TSN: variants seen among roughly 807,000 people sequenced by gnomAD.
The protein encoded by TSN is component 3 of promoter of RISC.
A neutral mutation model predicts 29.4 loss-of-function variants in TSN; 5 were observed. The observed-to-expected ratio is 0.17, with a 90% confidence interval of 0.09 to 0.36. TSN has a LOEUF of 0.36. TSN is among the 10% of genes least tolerant of loss of function. The probability of loss-of-function intolerance (pLI) is 1.00; values close to 1 mark genes in which losing one functional copy is unlikely to be tolerated. For missense variants in TSN, 159 were observed against 272.8 expected, an observed-to-expected ratio of 0.58 and a Z score of 2.94; for synonymous variants, 106 against 102.2, an observed-to-expected ratio of 1.04 and a Z score of -0.23.
At chr2:121,764,062 G>A (rs373456602) in intron 5 of TSN, among the ~76,000 whole-genome samples, 83 of 152,216 alleles carry the variant, frequency 5.5e-4, no homozygotes, top group African/African-American at 1.9e-3. Context: ...ATGCCCTCCC[G>A]CTTTAAGGAC....
At chr2:121,758,552 G>A (rs558686216) in intron 2 of TSN, among the ~76,000 whole-genome samples, 158 bp from the exon 3 acceptor site, 3 of 152,268 alleles carry the variant, frequency 2.0e-5, no homozygotes, top group South Asian at 2.1e-4. Context: ...GGGAAACTGG[G>A]GATGATATTT....
intron 1 of TSN, chr2:121,756,087 T>G (rs1019065858): frequency 1.3e-6 from 1 of 776,888 alleles, no homozygotes; most frequent in Non-Finnish European, 2.0e-6. Flanking sequence ...CAGTTTTCCT[T>G]CTTTTCAGCA....
At chr2:121,757,804 C>T (rs1299438998) in intron 2 of TSN, among the ~76,000 whole-genome samples, 1 of 151,882 alleles carries the variant, frequency 6.6e-6, no homozygotes, top group African/African-American at 2.4e-5. Context: ...TTACAGGTGC[C>T]CGCCATCACG....
intron 1 of TSN, chr2:121,756,452 G>A (rs534729572): frequency 5.6e-5 from 14 of 252,060 alleles, no homozygotes; most frequent in Non-Finnish European, 1.1e-4. Flanking sequence ...ATGTTTTCTA[G>A]TAGCACATTA....
chr2:121,756,387 G>T, intron 1 of TSN: 1 of 239,372 alleles, frequency 4.2e-6, no homozygotes, highest in Non-Finnish European at 9.2e-6. Context: ...TTCTTTTCCT[G>T]ATTGTCTCGT....
intron 3 of TSN, 145 bp from the exon 4 acceptor site, chr2:121,761,264 A>T (rs567638361): frequency 6.5e-6 from 4 of 614,076 alleles, no homozygotes; most frequent in Non-Finnish European, 1.2e-5. Context: ...GCTAAATGTC[A>T]TATTTCTCTT....
At position 121,755,716 on chromosome 2, in the gene TSN, G is replaced by T. The variant is rs2074734885; in HGVS notation, c.-64G>T. ...GCCGTTGCGATTGATTGCGCTGGTT[G>T]CCTGCGGCGTCCACTTCCTTGGCCG... On this transcript the variant is annotated 5_prime_UTR_variant, in exon 1 of 6. Transcript: ENST00000389682. The T allele has an allele frequency of 1.9e-6, 3 of 1,599,274 alleles. No individual in the cohort carries two copies. The highest frequency in any genetic ancestry group is 1.7e-6 in the Non-Finnish European group (2 of 1,173,594).
chr2:121,756,638 C>T (rs1396952072), intron 1 of TSN: 3 of 1,297,012 alleles, frequency 2.3e-6, no homozygotes, highest in East Asian at 1.2e-4. Context: ...GGAGCGGCGC[C>T]TCATGCCTGT....
At chr2:121,765,060 T>C in intron 5 of TSN, 74 bp from the exon 6 acceptor site, 1 of 1,416,062 alleles carries the variant, frequency 7.1e-7, no homozygotes, top group Non-Finnish European at 9.9e-7. Flanking sequence ...GTTCTTCTGG[T>C]TGTGATTCAG....
chr2:121,764,994 G>C, intron 5 of TSN, 140 bp from the exon 6 acceptor site: 1 of 742,788 alleles, frequency 1.3e-6, no homozygotes, highest in East Asian at 2.5e-5. Context: ...CTCCTGTCTT[G>C]TCTGTACTTG....
chr2:121,757,578 G>T, intron 2 of TSN: 1 of 632,400 alleles, frequency 1.6e-6, no homozygotes, highest in South Asian at 2.1e-5. Context: ...CCCATTTCCT[G>T]TTTAGAAAAA....
At chr2:121,761,048 T>G (rs1265708277) in intron 3 of TSN, among the ~76,000 whole-genome samples, 1 of 152,022 alleles carries the variant, frequency 6.6e-6, no homozygotes, top group East Asian at 1.9e-4. Context: ...TTTTGTATTT[T>G]TAGTAGAGAG....
Position 121,755,753 on chromosome 2 carries a change from C to CT in TSN, c.-26dup, listed in dbSNP as rs1400125256. Reference sequence around the variant, plus strand: ...CACTTCCTTGGCCGCCCTTGCTACACTGGCTGATTGTTGTGCAGCCGGCGC... The same window carrying CT: ...CACTTCCTTGGCCGCCCTTGCTACACTTGGCTGATTGTTGTGCAGCCGGCGC... On this transcript the variant is annotated 5_prime_UTR_variant, in exon 1 of 6. Coordinates refer to ENST00000389682, the MANE Select transcript of TSN (RefSeq NM_004622.3). 2 of 1,612,642 alleles carry CT rather than the reference C, an allele frequency of 1.2e-6. No homozygotes were observed. Among genetic ancestry groups the CT allele is most frequent in the Non-Finnish European group, 8.5e-7 (1 of 1,180,004 alleles).
intron 2 of TSN, among the ~76,000 whole-genome samples, chr2:121,758,109 A>C (rs2074774830): frequency 6.6e-6 from 1 of 152,096 alleles, no homozygotes; most frequent in African/African-American, 2.4e-5. Context: ...TTAATATGAG[A>C]TTAACAGTAT....
chr2:121,761,634 C>T (rs1451592547), intron 4 of TSN, 110 bp downstream of exon 4: 1 of 820,358 alleles, frequency 1.2e-6, no homozygotes, highest in African/African-American at 1.7e-5. Context: ...TAACTAAAAA[C>T]CACTTATAGT....
At chr2:121,763,489 A>G (rs1210681389) in intron 5 of TSN, among the ~76,000 whole-genome samples, 1 of 151,872 alleles carries the variant, frequency 6.6e-6, no homozygotes, top group African/African-American at 2.4e-5. Flanking sequence ...GAACGTCTTA[A>G]TTCTTTTCTA....
At chr2:121,757,462 T>A in intron 2 of TSN, 129 bp downstream of exon 2, 1 of 1,532,716 alleles carries the variant, frequency 6.5e-7, no homozygotes, top group Non-Finnish European at 8.8e-7. Context: ...AAGTAGGTGA[T>A]TTGATAATTT....
At position 121,767,831 on chromosome 2, in the gene TSN, C is replaced by T. The variant is rs1025871016; in HGVS notation, c.*2464C>T. 1 of 152,022 alleles carries T rather than the reference C, an allele frequency of 6.6e-6. No individual in the cohort carries two copies. Among genetic ancestry groups the T allele is most frequent in the African/African-American group, 2.4e-5 (1 of 41,388 alleles). The allele number at this position is 152,022 out of a possible 1,614,324, so 9.4% of individuals were successfully genotyped here. ...TTGTGTACTCGGAAATTAAAGTTTG[C>T]TTGTTTCTTGGTCTGGATTAAACTG... On this transcript the variant is annotated 3_prime_UTR_variant, in exon 6 of 6. Coordinates refer to ENST00000389682, the MANE Select transcript of TSN (RefSeq NM_004622.3).
chr2:121,765,532 T>G lies in TSN; in HGVS notation c.*165T>G. 1.5e-6 allele frequency: 1 copy of G among 655,142 alleles called. No homozygotes were observed. Among genetic ancestry groups the G allele is most frequent in the Non-Finnish European group, 2.6e-6 (1 of 387,298 alleles). The allele number at this position is 655,142 out of a possible 1,614,324, so 40.6% of individuals were successfully genotyped here. ...CAGAATTGAAACACTTTTTTGGGGG[T>G]AAAAAATATAGCCTTTACATGGACA... On this transcript the variant is annotated 3_prime_UTR_variant, in exon 6 of 6. Coordinates refer to ENST00000389682, the MANE Select transcript of TSN (RefSeq NM_004622.3).
Sources: gnomAD v4.1 joint callset for allele counts (sites outside exome capture counted in the v4.1 genomes callset) on GRCh38, gnomAD v4.1.1 for gene constraint, MANE v1.5 for transcripts, NCBI Gene and HGNC (gene_info 2026-07-23, HGNC 2026-07-21) for gene names.